Variants in PGGHG observed in about 807,000 individuals in gnomAD.
PGGHG encodes the protein protein-glucosylgalactosylhydroxylysine glucosidase.
A neutral mutation model predicts 74.5 loss-of-function variants in PGGHG; 67 were observed. That is an observed-to-expected ratio of 0.90 (90% CI 0.74 to 1.10). PGGHG has a LOEUF of 1.10. Ranked by LOEUF, PGGHG falls within the 50% of genes least tolerant of loss-of-function variation. PGGHG has a pLI of 0.00. For synonymous variants in PGGHG, 496 were observed against 419.9 expected (o/e 1.18, Z -2.21); for missense variants, 1,034 against 981.5 (o/e 1.05, Z -0.72).
In PGGHG at chr11:295,014, G is replaced by A. The variant is rs1590293230; in HGVS notation, c.*265G>A. 8.3e-6 allele frequency: 3 copies of A among 360,396 alleles called. No individual in the cohort carries two copies. The highest frequency in any genetic ancestry group is 9.4e-5 in the South Asian group (1 of 10,602). The allele number at this position is 360,396 out of a possible 1,614,324, so 22.3% of individuals were successfully genotyped here. A position where few individuals can be genotyped will look rare whatever the true frequency, so the allele number is the denominator to read the frequency against. ...CTGATGCTATCGCGCACCGTCCCAC[G>A]ACCCCACCCCGAGCTCCTGAAGCCG... On this transcript the variant is annotated 3_prime_UTR_variant, in exon 14 of 14. Coordinates refer to ENST00000409548, the MANE Select transcript of PGGHG (RefSeq NM_025092.5).
chr11:293,908 A>G lies in PGGHG; in HGVS notation c.1693A>G (p.Met565Val), dbSNP rs747903315. The G allele has an allele frequency of 3.1e-6, 5 of 1,612,924 alleles. No homozygotes were observed. The highest frequency in any genetic ancestry group is 2.2e-5 in the East Asian group (1 of 44,864). Residue 565 changes from methionine to valine, a missense_variant, in exon 11 of 14, where the codon ATG becomes GTG. Physicochemically the swap from Met to Val is conservative, Grantham distance 21. Transcript: ENST00000409548. ...RGLLDRSFANMAEPFKVWTEN... is the reference protein window; with the variant it reads ...RGLLDRSFANVAEPFKVWTEN... Reference sequence around the variant, plus strand: ...CCTCCTGGACAGGAGCTTTGCCAACATGGCTGAACCCTTCAAGGTCAGCCT... The same window carrying G: ...CCTCCTGGACAGGAGCTTTGCCAACGTGGCTGAACCCTTCAAGGTCAGCCT...
chr11:290,182 T>C (rs1246515590), intron 2 of PGGHG, 107 bp downstream of exon 2: 1 of 1,435,514 alleles, frequency 7.0e-7, no homozygotes, highest in East Asian at 2.5e-5. Flanking sequence ...ACACAGGAAG[T>C]CTCACTAAGA....
chr11:295,589 G>A lies in PGGHG; in HGVS notation c.*840G>A, dbSNP rs1306323865. On this transcript the variant is annotated 3_prime_UTR_variant, in exon 14 of 14. Transcript: ENST00000409548. ...CAGTTTCCCAAGAACAAGATGTGAT[G>A]GCATCTGCTGCTGAAACCCTGATGA... 1 of 152,428 alleles carries A rather than the reference G, an allele frequency of 6.6e-6. No homozygotes were observed. Among genetic ancestry groups the A allele is most frequent in the African/African-American group, 2.4e-5 (1 of 41,582 alleles). The allele number at this position is 152,428 out of a possible 1,614,324, so 9.4% of individuals were successfully genotyped here.
At chr11:291,826 C>T in intron 4 of PGGHG, 150 bp from the exon 5 acceptor site, 3 of 1,138,272 alleles carry the variant, frequency 2.6e-6, no homozygotes, top group South Asian at 1.7e-5. Context: ...ACTGGGTGGG[C>T]AGGTGGGGAG....
In PGGHG at chr11:294,157, G is replaced by C. The variant is rs1371143507; in HGVS notation, c.1769G>C (p.Gly590Ala). The stretch of plus-strand genomic sequence containing the variant: ...GTGAACTTCCTGACAGGCATGGGGG[G>C]CTTCCTGCAGGCGGTGGTCTTCGGG... ...GAVNFLTGMG[G>A]FLQAVVFGCT... The change falls in exon 12 of 14, where the codon GGC becomes GCC. Residue 590 changes from glycine (G) to alanine (A), a missense_variant. By Grantham distance (60) the Gly-to-Ala change is moderately conservative. Coordinates refer to ENST00000409548, the MANE Select transcript of PGGHG (RefSeq NM_025092.5). 6.2e-7 allele frequency: 1 copy of C among 1,612,784 alleles called. No homozygotes were observed. Among genetic ancestry groups the C allele is most frequent in the African/African-American group, 1.3e-5 (1 of 75,026 alleles).
At position 291,079 on chromosome 11, in the gene PGGHG, A is replaced by G; in HGVS notation, c.872A>G (p.Glu291Gly). The stretch of plus-strand genomic sequence containing the variant: ...GGGGGCCTCTCCAATGGGAGCCGTG[A>G]GGAATGCTACTGGGGCCACGTCTTC... Reference protein sequence around the residue: ...SPGGLSNGSREECYWGHVFWD... With the variant: ...SPGGLSNGSRGECYWGHVFWD... The change falls in exon 4 of 14, where the codon GAG (glutamate) becomes GGG (glycine). Residue 291 changes from glutamate to glycine, a missense_variant. Glu to Gly is a moderately conservative substitution (Grantham distance 98). Transcript: ENST00000409548. The G allele has an allele frequency of 6.2e-7, 1 of 1,602,392 alleles. No individual in the cohort carries two copies. Among genetic ancestry groups the G allele is most frequent in the Non-Finnish European group, 8.5e-7 (1 of 1,172,864 alleles).
chr11:290,188 T>G, intron 2 of PGGHG, 113 bp downstream of exon 2: 1 of 1,429,146 alleles, frequency 7.0e-7, no homozygotes, highest in Non-Finnish European at 9.2e-7. Flanking sequence ...GAAGTCTCAC[T>G]AAGACAGGAG....
In PGGHG at chr11:293,512, C is replaced by T; in HGVS notation, c.1480+10C>T. On this transcript the variant is annotated intron_variant, in intron 9 of 13. Transcript: ENST00000409548. ...GATGGGTATGAGCCTGGTGAGTGGA[C>T]CCCTTCAAGGGCTCCTCCCCTGCCG... 1 of 1,611,508 alleles carries T rather than the reference C, an allele frequency of 6.2e-7. No homozygotes were observed. Among genetic ancestry groups the T allele is most frequent in the Non-Finnish European group, 8.5e-7 (1 of 1,179,896 alleles).
At position 293,484 on chromosome 11, in the gene PGGHG, T is replaced by A; in HGVS notation, c.1462T>A (p.Phe488Ile). The A allele has an allele frequency of 3.7e-6, 6 of 1,611,472 alleles. No individual in the cohort carries two copies. Among genetic ancestry groups the A allele is most frequent in the Non-Finnish European group, 5.1e-6 (6 of 1,179,984 alleles). Residue 488 changes from phenylalanine to isoleucine, a missense_variant, in exon 9 of 14, where the codon TTC (phenylalanine) becomes ATC (isoleucine). By Grantham distance (21) the Phe-to-Ile change is conservative. Coordinates refer to ENST00000409548, the MANE Select transcript of PGGHG (RefSeq NM_025092.5). ...FDVEQNFHPE[F>I]DGYEPGEVVK... is the part of the protein sequence containing the mutation. ...CGTGGAGCAGAACTTCCACCCGGAG[T>A]TCGATGGGTATGAGCCTGGTGAGTG...
intron 5 of PGGHG, 51 bp downstream of exon 5, chr11:292,146 C>T: frequency 6.7e-7 from 1 of 1,489,772 alleles, no homozygotes; most frequent in Non-Finnish European, 8.9e-7. Flanking sequence ...GCCTGCAGCC[C>T]CCACACCCCT....
In PGGHG at chr11:289,935, T is replaced by C. The variant is rs1379778557; in HGVS notation, c.119T>C (p.Leu40Pro). 2 of 1,550,846 alleles carry C rather than the reference T, an allele frequency of 1.3e-6. No individual in the cohort carries two copies. Among genetic ancestry groups the C allele is most frequent in the Non-Finnish European group, 8.7e-7 (1 of 1,146,902 alleles). ...YLGTRVFHDT[L>P]HVSGVYNGAG... ...GGCACACGAGTGTTTCACGACACGCTGCACGTGAGCGGCGTGTACAATGGG... is the reference window on the plus strand; with the variant it reads ...GGCACACGAGTGTTTCACGACACGCCGCACGTGAGCGGCGTGTACAATGGG... Residue 40 changes from leucine (L) to proline (P), a missense_variant, in exon 2 of 14, where the codon CTG becomes CCG. Physicochemically the swap from Leu to Pro is moderately conservative, Grantham distance 98. Coordinates refer to ENST00000409548, the MANE Select transcript of PGGHG (RefSeq NM_025092.5). This position sits in a 1 kb window ranked among gnomAD's most constrained non-coding sequence, Gnocchi z 5.6.
At chr11:293,332 G>T in intron 8 of PGGHG, 34 bp from the exon 9 acceptor site, 3 of 1,606,592 alleles carry the variant, frequency 1.9e-6, no homozygotes, top group Non-Finnish European at 1.7e-6. Flanking sequence ...GAAGTGTAGG[G>T]GTTGCAGCCT....
chr11:294,540 G>GCCCCTCCCCCCCAGGCTC lies in PGGHG; in HGVS notation c.2021-14_2021-13insCCTCCCCCCCAGGCTCCC. 6.3e-7 allele frequency: 1 copy of GCCCCTCCCCCCCAGGCTC among 1,598,092 alleles called. No individual in the cohort carries two copies. Among genetic ancestry groups the GCCCCTCCCCCCCAGGCTC allele is most frequent in the Non-Finnish European group, 8.5e-7 (1 of 1,170,328 alleles). On this transcript the variant is annotated splice_polypyrimidine_tract_variant and intron_variant, in intron 13 of 13. Coordinates refer to ENST00000409548, the MANE Select transcript of PGGHG (RefSeq NM_025092.5). ...CCAGGCTGCCCCTCACCCCCAGGCT[G>GCCCCTCCCCCCCAGGCTC]CCTCTCTCCCTGCAGGACACAAGGT...
rs568660152 is a variant in PGGHG, at chr11:293,348, A to G, written c.1344-18A>G. On this transcript the variant is annotated intron_variant, in intron 8 of 13. Transcript: ENST00000409548. ...AAGTGTAGGGGTTGCAGCCTCCCCC[A>G]CCTACCTCCACCTCCAGCCTGCGCT... 2.5e-6 allele frequency: 4 copies of G among 1,601,296 alleles called. No individual in the cohort carries two copies. The African/African-American group carries it at 5.5e-5, about 22-fold the overall frequency.
In PGGHG at chr11:294,909, T is replaced by G. The variant is rs1845833315; in HGVS notation, c.*160T>G. 40 of 868,680 alleles carry G rather than the reference T, an allele frequency of 4.6e-5. 1 individual carries two copies. The South Asian group carries it at 8.0e-4, about 17-fold the overall frequency. 53.8% of individuals were successfully genotyped at this position (868,680 alleles called of 1,614,324 possible). A position where few individuals can be genotyped will look rare whatever the true frequency, so the allele number is the denominator to read the frequency against. On this transcript the variant is annotated 3_prime_UTR_variant, in exon 14 of 14. Transcript: ENST00000409548. ...GCCTGAGTTCAAGGCTTTCTGCCTG[T>G]AGCCTGGACTCCCGTGGACCCCCGT...
chr11:293,162 G>C lies in PGGHG; in HGVS notation c.1271-1G>C, dbSNP rs1398944091. The C allele has an allele frequency of 1.2e-6, 2 of 1,613,764 alleles. No individual in the cohort carries two copies. Among genetic ancestry groups the C allele is most frequent in the African/African-American group, 2.7e-5 (2 of 74,888 alleles). ...GCACCATCTTGGACTTGTGTGTCCA[G>C]GAGTCATGTCCCCCGACGAGTACCA... On this transcript the variant is annotated splice_acceptor_variant, in intron 7 of 13. Transcript: ENST00000409548. LOFTEE classifies it high-confidence loss of function.
chr11:292,177 C>T (rs1044376662), intron 5 of PGGHG, 82 bp downstream of exon 5: 6 of 1,440,548 alleles, frequency 4.2e-6, no homozygotes, highest in Non-Finnish European at 5.5e-6. Flanking sequence ...TATCCCTCTC[C>T]CCAGGCCCCC....
Position 292,029 on chromosome 11 carries a change from C to T in PGGHG, c.960C>T (p.Ala320=). The T allele has an allele frequency of 1.2e-6, 2 of 1,607,294 alleles. No individual in the cohort carries two copies. The highest frequency in any genetic ancestry group is 1.7e-6 in the Non-Finnish European group (2 of 1,177,276). ...ILMFHPEAAR[A]ILEYRIRTLD... is the part of the protein sequence containing the mutation. ...TGTTCCACCCAGAAGCCGCCAGGGC[C>T]ATCCTGGAGTACCGCATCCGCACGC... The change falls in exon 5 of 14, where the codon GCC becomes GCT. Residue 320 remains alanine, a synonymous_variant. Coordinates refer to ENST00000409548, the MANE Select transcript of PGGHG (RefSeq NM_025092.5).
rs777778425 is a variant in PGGHG, at chr11:292,621, G to A, written c.1102G>A (p.Val368Ile). The A allele has an allele frequency of 1.5e-4, 240 of 1,613,632 alleles. 4 individuals are homozygous for A. The South Asian group carries it at 2.4e-3, about 16-fold the overall frequency. Reference protein sequence around the residue: ...CPEDIYGVQEVHVNGAVVLAF... With the variant: ...CPEDIYGVQEIHVNGAVVLAF... ...TGAGGACATTTACGGAGTCCAGGAG[G>A]TCCACGTCAACGGGGCCGTGGTGTT... is the stretch of plus-strand genomic sequence containing the variant. The change falls in exon 6 of 14, where the codon GTC becomes ATC. Residue 368 changes from valine (V) to isoleucine (I), a missense_variant. Physicochemically the swap from Val to Ile is conservative, Grantham distance 29. Transcript: ENST00000409548.
Sources: allele counts gnomAD v4.1 joint callset, GRCh38; gene constraint gnomAD v4.1.1; non-coding constraint Gnocchi (gnomAD v3.1); transcripts MANE v1.5; gene names NCBI Gene and HGNC (gene_info 2026-07-23, HGNC 2026-07-21).